The following SMG1 variants were observed in gnomAD, a reference collection of about 807,000 sequenced individuals.
SMG1 encodes serine/threonine-protein kinase SMG1.
SMG1 carries 22 observed loss-of-function variants against 419.9 expected under a neutral mutation model. The ratio of observed to expected loss-of-function variants is 0.05; its 90% CI spans 0.04 to 0.07. The LOEUF (loss-of-function observed/expected upper bound fraction) is 0.07. SMG1 is among the 10% of genes least tolerant of loss of function. SMG1 has a pLI of 1.00. For synonymous variants in SMG1, 1,538 were observed against 1,553.5 expected, an observed-to-expected ratio of 0.99 and a Z score of 0.23; for missense variants, 3,185 against 4,342.0, an observed-to-expected ratio of 0.73 and a Z score of 7.49.
Position 18,839,810 on chromosome 16 carries a change from T to C in SMG1, c.6833A>G (p.His2278Arg), listed in dbSNP as rs1366805620. Residue 2278 changes from histidine (H) to arginine (R), a missense_variant, in exon 42 of 63, where the codon CAT (histidine) becomes CGT (arginine). His to Arg is a conservative substitution (Grantham distance 29). This residue lies in a region of SMG1 where 132 missense variants were observed against 151.0 expected (regional missense o/e 0.87). Coordinates refer to ENST00000446231, the MANE Select transcript of SMG1 (RefSeq NM_015092.5). ...CTCTTCCAATACTGCCTTCATTACA[T>C]GAAGAGGCCAATCCCGACGGGACAC... ...LDVSRRDWPL[H>R]VMKAVLEELM... 4 of 1,613,986 alleles carry C rather than the reference T, an allele frequency of 2.5e-6. No individual in the cohort carries two copies. Among genetic ancestry groups the C allele is most frequent in the Non-Finnish European group, 3.4e-6 (4 of 1,179,878 alleles).
At position 18,892,294 on chromosome 16, in the gene SMG1, C is replaced by T. The variant is rs1382484413; in HGVS notation, c.473G>A (p.Arg158Gln). The T allele has an allele frequency of 2.6e-6, 4 of 1,550,694 alleles. No individual in the cohort carries two copies. Among genetic ancestry groups the T allele is most frequent in the African/African-American group, 1.4e-5 (1 of 73,076 alleles). ...CAATCTTCGGTCTCTGTCGTCTTCC[C>T]GGGTGATCCTCCGAAGAAGATTCGA... is the stretch of plus-strand genomic sequence containing the variant. ...RLSNLLRRIT[R>Q]EDDRDRRLAT... The change falls in exon 4 of 63, where the codon CGG (arginine) becomes CAG (glutamine). Residue 158 changes from arginine to glutamine, a missense_variant. Physicochemically the swap from Arg to Gln is conservative, Grantham distance 43 (BLOSUM62 1). Coordinates refer to ENST00000446231, the MANE Select transcript of SMG1 (RefSeq NM_015092.5).
Position 18,829,329 on chromosome 16 carries a change from T to C in SMG1, c.9560A>G (p.Lys3187Arg), listed in dbSNP as rs1381072431. 2 of 1,613,978 alleles carry C rather than the reference T, an allele frequency of 1.2e-6. No individual in the cohort carries two copies. Among genetic ancestry groups the C allele is most frequent in the Non-Finnish European group, 1.7e-6 (2 of 1,179,874 alleles). ...CAGCTGAACCCGCTGCAGGCTTGTCTTACAAGAAGAAATACTGGTTTCTAG... is the reference window on the plus strand; with the variant it reads ...CAGCTGAACCCGCTGCAGGCTTGTCCTACAAGAAGAAATACTGGTTTCTAG... ...RRLETSISSC[K>R]TSLQRVQLHI... Residue 3187 changes from lysine to arginine, a missense_variant, in exon 54 of 63, where the codon AAG becomes AGG. Around this residue, in one of 27 missense-constraint regions of SMG1, gnomAD observed 737 missense variants for 846.6 expected, o/e 0.87. Coordinates refer to ENST00000446231, the MANE Select transcript of SMG1 (RefSeq NM_015092.5).
Position 18,829,759 on chromosome 16 carries a change from C to T in SMG1, c.9134-4G>A, listed in dbSNP as rs112978715. ...TGATCTTCAAGTGAACTTGATCCTA[C>T]AAAAAGGAAAAATTTCTTGTATTTC... is the stretch of plus-strand genomic sequence containing the variant. On this transcript the variant is annotated splice_region_variant and splice_polypyrimidine_tract_variant and intron_variant, in intron 53 of 62. Transcript: ENST00000446231. 27 of 1,579,570 alleles carry T rather than the reference C, an allele frequency of 1.7e-5. No homozygotes were observed. In the African/African-American group the frequency reaches 2.2e-4, roughly 13 times the overall value.
intron 58 of SMG1, 76 bp from the exon 59 acceptor site, chr16:18,815,727 T>C: frequency 8.1e-7 from 1 of 1,237,044 alleles, no homozygotes; most frequent in Non-Finnish European, 1.1e-6. Context: ...CACCTAGTGA[T>C]TAAGTAACAA....
chr16:18,910,790 C>T (rs373216996), intron 1 of SMG1, among the ~76,000 whole-genome samples: 14 of 152,096 alleles, frequency 9.2e-5, no homozygotes, highest in African/African-American at 2.7e-4. Context: ...AGAATACAAC[C>T]TTTCAATGTT....
At chr16:18,851,343 G>A (rs2034578496) in intron 33 of SMG1, among the ~76,000 whole-genome samples, 1 of 152,210 alleles carries the variant, frequency 6.6e-6, no homozygotes, top group Non-Finnish European at 1.5e-5. Context: ...AGATCATCTA[G>A]TCCATTTTCA....
At chr16:18,837,095 A>T (rs2033625517) in intron 46 of SMG1, among the ~76,000 whole-genome samples, 158 bp downstream of exon 46, 1 of 152,226 alleles carries the variant, frequency 6.6e-6, no homozygotes, top group African/African-American at 2.4e-5. Flanking sequence ...AATTTCAGTG[A>T]ATTTTTGTTT....
rs2033469072 is a variant in SMG1 at position 18,835,096 on chromosome 16, G to A, written c.8126C>T (p.Thr2709Ile). 1.2e-6 allele frequency: 2 copies of A among 1,613,780 alleles called. No individual in the cohort carries two copies. Among genetic ancestry groups the A allele is most frequent in the South Asian group, 1.1e-5 (1 of 91,088 alleles). ...VCQFITATEM[T>I]LQRYAADINS... ...GATGTCTGCTGCGTATCGCTGCAGG[G>A]TCATTTCAGTGGCAGTGATGAACTG... is the stretch of plus-strand genomic sequence containing the variant. Residue 2709 changes from threonine (T) to isoleucine (I), a missense_variant, in exon 49 of 63, where the codon ACC becomes ATC. By Grantham distance (89) the Thr-to-Ile change is moderately conservative. Around this residue, in one of 27 missense-constraint regions of SMG1, gnomAD observed 412 missense variants for 546.6 expected, o/e 0.75. Transcript: ENST00000446231.
intron 33 of SMG1, among the ~76,000 whole-genome samples, chr16:18,850,779 TC>T (rs2034547933): frequency 1.3e-5 from 2 of 152,266 alleles, no homozygotes; most frequent in Admixed American, 1.3e-4. Context: ...TGTGACAAAG[TC>T]TCACTCTGTC....
intron 44 of SMG1, 56 bp from the exon 45 acceptor site, chr16:18,838,288 G>A (rs756041698): frequency 1.1e-5 from 18 of 1,608,280 alleles, no homozygotes; most frequent in Non-Finnish European, 1.4e-5. Context: ...TCACTAAAGT[G>A]TGGTTTTCAT....
chr16:18,848,496 G>A (rs2034396483), intron 36 of SMG1, among the ~76,000 whole-genome samples: 1 of 151,758 alleles, frequency 6.6e-6, no homozygotes. Flanking sequence ...AACAGAAACA[G>A]GGTTTCACCA....
intron 1 of SMG1, among the ~76,000 whole-genome samples, chr16:18,900,852 A>G (rs1237274626): frequency 6.6e-6 from 1 of 152,336 alleles, no homozygotes; most frequent in East Asian, 1.9e-4. Context: ...CCCTTCAAAA[A>G]TAAATTCAAG....
At chr16:18,821,221 C>CTTTTTTTTTTTTTTT (rs869238782) in intron 55 of SMG1, among the ~76,000 whole-genome samples, 152 of 35,592 alleles carry the variant, frequency 4.3e-3, no homozygotes, top group Middle Eastern at 0.024. Context: ...TAGTATGTTT[C>CTTTTTTTTTTTTTTT]TTTTTTTTTT....
intron 56 of SMG1, 75 bp downstream of exon 56, chr16:18,819,427 C>T (rs568808663): frequency 1.4e-5 from 21 of 1,510,036 alleles, no homozygotes; most frequent in East Asian, 7.2e-5. Context: ...CCCTAGTTAC[C>T]CCACATATAA....
intron 29 of SMG1, among the ~76,000 whole-genome samples, chr16:18,856,171 C>CTTGTCGGT (rs74275925): frequency 6.6e-6 from 1 of 151,640 alleles, no homozygotes; most frequent in Non-Finnish European, 1.5e-5. Flanking sequence ...GCTGTTCCTT[C>CTTGTCGGT]TTATTTTTTG....
At chr16:18,919,811 G>A (rs549656595) in intron 1 of SMG1, among the ~76,000 whole-genome samples, 64 of 151,306 alleles carry the variant, frequency 4.2e-4, no homozygotes, top group African/African-American at 6.8e-4. Flanking sequence ...AACAAAAGGG[G>A]TTGGGGGGGT....
chr16:18,893,348 C>T lies in SMG1; in HGVS notation c.413-994G>A, dbSNP rs559081437. Among the ~76,000 whole-genome samples, 6 of 152,290 alleles carry T rather than the reference C, an allele frequency of 3.9e-5. No individual in the cohort carries two copies. In the East Asian group the frequency reaches 7.7e-4, roughly 20 times the overall value. ...CTTTAAAAACTAGATTTTTGCTGGG[C>T]GAGGTGGCTCTTGCCTGTAATTACC... On this transcript the variant is annotated intron_variant, in intron 3 of 62. Transcript: ENST00000446231.
intron 10 of SMG1, among the ~76,000 whole-genome samples, chr16:18,880,631 C>T (rs1413756135): frequency 6.8e-6 from 1 of 146,252 alleles, no homozygotes; most frequent in Non-Finnish European, 1.5e-5. Flanking sequence ...GGGAGGATCA[C>T]TTAAGCCTGG....
At chr16:18,815,678 A>G (rs777129539) in intron 58 of SMG1, 27 bp from the exon 59 acceptor site, 2 of 1,594,720 alleles carry the variant, frequency 1.3e-6, no homozygotes, top group Non-Finnish European at 1.7e-6. Flanking sequence ...AATGATTAAG[A>G]AAAATAGTTT....
Sources: allele counts gnomAD v4.1 joint callset (sites outside exome capture counted in the v4.1 genomes callset), GRCh38; gene constraint gnomAD v4.1.1; regional missense constraint gnomAD v4.1.1; transcripts MANE v1.5; gene names NCBI Gene and HGNC (gene_info 2026-07-23, HGNC 2026-07-21).